The following TJP1 variants were observed in gnomAD, a reference collection of about 807,000 sequenced individuals.
The protein encoded by TJP1 is tight junction protein ZO-1.
A neutral mutation model predicts 194.2 loss-of-function variants in TJP1; 43 were observed. The observed-to-expected ratio is 0.22, with a 90% CI of 0.17 to 0.29. TJP1 has a LOEUF of 0.29. Among genes scored for constraint, TJP1 ranks in the 10% least tolerant of loss-of-function variants. TJP1 has a pLI of 1.00. For synonymous variants in TJP1, 801 were observed against 779.0 expected (o/e 1.03, Z -0.47); for missense variants, 1,971 against 2,185.7 (o/e 0.90, Z 1.96).
intron 2 of TJP1, among the ~76,000 whole-genome samples, chr15:29,865,884 G>C (rs2052284962): frequency 6.6e-6 from 1 of 152,192 alleles, no homozygotes; most frequent in African/African-American, 2.4e-5. Flanking sequence ...AGAGAAACAT[G>C]TACCCAGTTT....
At chr15:29,958,294 T>G (rs1035181773) in intron 1 of TJP1, among the ~76,000 whole-genome samples, 12 of 151,534 alleles carry the variant, frequency 7.9e-5, no homozygotes, top group Non-Finnish European at 1.5e-4. Context: ...CTTTTTAGTT[T>G]TTTTTTTTTT....
At chr15:29,874,209 G>A (rs755051555) in intron 2 of TJP1, among the ~76,000 whole-genome samples, 3 of 152,130 alleles carry the variant, frequency 2.0e-5, no homozygotes, top group Non-Finnish European at 4.4e-5. Flanking sequence ...GGCAAGATAG[G>A]GCCTGCGTCA....
chr15:29,708,414 G>GT lies in TJP1; in HGVS notation c.4850+144dup, dbSNP rs1435894868. 2.1e-5 allele frequency: 15 copies of GT among 701,812 alleles called. No individual in the cohort carries two copies. The African/African-American group carries it at 2.1e-4, about 10-fold the overall frequency. The allele number at this position is 701,812 out of a possible 1,614,324, so 43.5% of individuals were successfully genotyped here. A position where few individuals can be genotyped will look rare whatever the true frequency, so the allele number is the denominator to read the frequency against. On this transcript the variant is annotated intron_variant, in intron 25 of 27. Transcript: ENST00000614355. The stretch of plus-strand genomic sequence containing the variant: ...TTGTACCTCCTGGAGGACCTTCTAT[G>GT]TAACAGCATTCATTGCAACAACACT...
At chr15:29,811,858 A>AAACG (rs2049537352) in intron 1 of TJP1, among the ~76,000 whole-genome samples, 3 of 150,470 alleles carry the variant, frequency 2.0e-5, no homozygotes, top group South Asian at 2.1e-4. Context: ...TCTCTGTCCA[A>AAACG]AATGAATGAA....
intron 1 of TJP1, among the ~76,000 whole-genome samples, chr15:29,960,759 C>CAGG (rs899228736): frequency 6.6e-6 from 1 of 152,074 alleles, no homozygotes; most frequent in Non-Finnish European, 1.5e-5. Context: ...AGAATTTAAC[C>CAGG]AGGCTTCTAC....
intron 2 of TJP1, among the ~76,000 whole-genome samples, chr15:29,870,641 C>T (rs2052480992): frequency 6.6e-6 from 1 of 152,110 alleles, no homozygotes; most frequent in African/African-American, 2.4e-5. Flanking sequence ...GAGTGTTGAC[C>T]TAAAAGGGAA....
At chr15:29,820,030 A>G (rs1377523722) in intron 1 of TJP1, among the ~76,000 whole-genome samples, 2 of 152,220 alleles carry the variant, frequency 1.3e-5, no homozygotes, top group African/African-American at 4.8e-5. Flanking sequence ...AAACAGCAGC[A>G]TATTCATAGG....
chr15:29,941,123 G>A (rs2055058784), intron 2 of TJP1, among the ~76,000 whole-genome samples: 1 of 152,144 alleles, frequency 6.6e-6, no homozygotes, highest in Non-Finnish European at 1.5e-5. Context: ...AATAAAAGAT[G>A]AACTCTACTT....
intron 2 of TJP1, among the ~76,000 whole-genome samples, chr15:29,798,129 C>T (rs2048534891): frequency 6.6e-6 from 1 of 152,116 alleles, no homozygotes; most frequent in Admixed American, 6.5e-5. Flanking sequence ...CCTGCCACCA[C>T]GTCCAGCTAA....
At chr15:29,942,587 G>A (rs1022710875) in intron 2 of TJP1, among the ~76,000 whole-genome samples, 3 of 152,174 alleles carry the variant, frequency 2.0e-5, no homozygotes, top group Non-Finnish European at 4.4e-5. Flanking sequence ...AAAAATAGCT[G>A]GATTCCTTTT....
chr15:29,836,837 A>G (rs1333838081), intron 2 of TJP1, among the ~76,000 whole-genome samples: 2 of 152,158 alleles, frequency 1.3e-5, no homozygotes, highest in Admixed American at 6.5e-5. Flanking sequence ...TGCCTCTGTC[A>G]TGTAAGAAAA....
At chr15:29,771,490 G>A (rs994718544) in intron 4 of TJP1, among the ~76,000 whole-genome samples, 1 of 152,134 alleles carries the variant, frequency 6.6e-6, no homozygotes, top group Non-Finnish European at 1.5e-5. Flanking sequence ...AGGAAAAGAG[G>A]AGGAAACATT....
intron 23 of TJP1, among the ~76,000 whole-genome samples, chr15:29,716,213 T>G (rs1390528972): frequency 6.6e-6 from 1 of 152,108 alleles, no homozygotes; most frequent in East Asian, 1.9e-4. Context: ...ACAAAAAACC[T>G]CTTCAGTATT....
At chr15:29,854,995 C>A (rs987885521) in intron 2 of TJP1, among the ~76,000 whole-genome samples, 2 of 152,024 alleles carry the variant, frequency 1.3e-5, no homozygotes, top group Non-Finnish European at 2.9e-5. Context: ...AATTAATAAG[C>A]AATCTGCAAA....
upstream of TJP1, among the ~76,000 whole-genome samples, chr15:29,824,392 G>C (rs1427033183): frequency 6.6e-6 from 1 of 151,304 alleles, no homozygotes; most frequent in African/African-American, 2.4e-5. Flanking sequence ...GCAATGAGCT[G>C]AGATCATGCC....
At chr15:29,779,674 CT>C (rs2047230546) in intron 2 of TJP1, among the ~76,000 whole-genome samples, 2 of 152,182 alleles carry the variant, frequency 1.3e-5, no homozygotes, top group African/African-American at 4.8e-5. Context: ...TTCTATTTCC[CT>C]TTATAGAGAC....
At chr15:29,949,511 T>TCCACAACCA (rs2055494703) in intron 2 of TJP1, among the ~76,000 whole-genome samples, 1 of 18,136 alleles carries the variant, frequency 5.5e-5, no homozygotes, top group Non-Finnish European at 1.1e-4. Context: ...AACCACCACC[T>TCCACAACCA]CCACCTCCAC....
intron 2 of TJP1, among the ~76,000 whole-genome samples, chr15:29,937,788 C>A (rs2054932449): frequency 6.6e-6 from 1 of 152,146 alleles, no homozygotes; most frequent in Non-Finnish European, 1.5e-5. Flanking sequence ...CTGGGCTGTT[C>A]TTTTGCCCTG....
intron 2 of TJP1, among the ~76,000 whole-genome samples, chr15:29,898,738 C>G (rs558603219): frequency 3.3e-5 from 5 of 152,242 alleles, no homozygotes; most frequent in African/African-American, 1.2e-4. Context: ...TACGGATGCT[C>G]TACCTGTTAG....
Sources: allele counts gnomAD v4.1 joint callset (sites outside exome capture counted in the v4.1 genomes callset), GRCh38; gene constraint gnomAD v4.1.1; transcripts MANE v1.5; gene names NCBI Gene and HGNC (gene_info 2026-07-23, HGNC 2026-07-21).